Variants in ERC2 observed in about 807,000 individuals in gnomAD.
The protein encoded by ERC2 is ERC protein 2.
A neutral mutation model predicts 114.8 loss-of-function variants in ERC2; 42 were observed. The ratio of observed to expected loss-of-function variants is 0.37; its 90% CI spans 0.29 to 0.47. ERC2 has a LOEUF of 0.47. Ranked by LOEUF, ERC2 falls within the 20% of genes least tolerant of loss-of-function variation. ERC2 has a pLI of 0.99. For synonymous variants in ERC2, 454 were observed against 425.5 expected, an observed-to-expected ratio of 1.07 and a Z score of -0.82; for missense variants, 939 against 1,150.7, an observed-to-expected ratio of 0.82 and a Z score of 2.66.
intron 2 of ERC2, among the ~76,000 whole-genome samples, chr3:56,374,687 A>C (rs746527694): frequency 2.8e-4 from 43 of 152,098 alleles, no homozygotes; most frequent in Non-Finnish European, 4.7e-4. Flanking sequence ...ATCAGTACCC[A>C]CTATTATGTC....
intron 3 of ERC2, among the ~76,000 whole-genome samples, chr3:56,206,804 T>C (rs75915515): frequency 6.6e-6 from 1 of 152,370 alleles, no homozygotes; most frequent in Non-Finnish European, 1.5e-5. Context: ...ATCCGTAGGA[T>C]GCTGCACCTC....
chr3:56,052,033 T>C (rs2075795867), intron 7 of ERC2, among the ~76,000 whole-genome samples: 1 of 152,156 alleles, frequency 6.6e-6, no homozygotes, highest in Admixed American at 6.5e-5. Context: ...TTGAGAAATA[T>C]AGGCAGTGCA....
intron 15 of ERC2, among the ~76,000 whole-genome samples, chr3:55,723,579 T>C (rs1040251677): frequency 2.0e-5 from 3 of 151,956 alleles, no homozygotes; most frequent in African/African-American, 7.3e-5. Flanking sequence ...CAAAAGAATA[T>C]AAAGTTGAGA....
At chr3:56,143,709 A>G (rs1357753410) in intron 5 of ERC2, among the ~76,000 whole-genome samples, 1 of 152,196 alleles carries the variant, frequency 6.6e-6, no homozygotes, top group Non-Finnish European at 1.5e-5. Flanking sequence ...TACATAACCC[A>G]TGCTCTACTT....
intron 3 of ERC2, among the ~76,000 whole-genome samples, chr3:56,285,642 C>T (rs898661457): frequency 1.3e-5 from 2 of 152,182 alleles, no homozygotes; most frequent in Non-Finnish European, 2.9e-5. Flanking sequence ...AACTGGCTGT[C>T]CTCCTGACCA....
At chr3:56,236,244 T>C (rs4974187) in intron 3 of ERC2, among the ~76,000 whole-genome samples, 45,591 of 152,000 alleles carry the variant, frequency 0.3, 8,022 homozygotes, top group East Asian at 0.64. Context: ...GAGGGCTGCA[T>C]ATAGATTTGG....
intron 2 of ERC2, among the ~76,000 whole-genome samples, chr3:56,395,225 T>A (rs964201600): frequency 3.3e-5 from 5 of 152,172 alleles, no homozygotes; most frequent in Non-Finnish European, 7.3e-5. Flanking sequence ...GTTATCTCTT[T>A]AATTATACTT....
At chr3:56,262,152 G>A (rs1230881420) in intron 3 of ERC2, among the ~76,000 whole-genome samples, 1 of 152,050 alleles carries the variant, frequency 6.6e-6, no homozygotes, top group African/African-American at 2.4e-5. Flanking sequence ...CTTTGTTATT[G>A]TGAATAGTGC....
At chr3:55,830,437 C>A (rs1267501482) in intron 14 of ERC2, among the ~76,000 whole-genome samples, 1 of 152,174 alleles carries the variant, frequency 6.6e-6, no homozygotes, top group African/African-American at 2.4e-5. Context: ...CTTTTAGGGC[C>A]TTCAAACTAC....
intron 3 of ERC2, among the ~76,000 whole-genome samples, chr3:56,292,984 C>G (rs1181011109): frequency 6.6e-6 from 1 of 152,178 alleles, no homozygotes; most frequent in East Asian, 1.9e-4. Flanking sequence ...CTATTTTCCC[C>G]CAATAGAATG....
chr3:56,274,975 A>G (rs1204666836), intron 3 of ERC2, among the ~76,000 whole-genome samples: 1 of 152,182 alleles, frequency 6.6e-6, no homozygotes, highest in Non-Finnish European at 1.5e-5. Flanking sequence ...GTGCAGGAAT[A>G]AAGTTTACCA....
chr3:55,514,579 C>T (rs2052354359), intron 17 of ERC2, among the ~76,000 whole-genome samples: 1 of 152,170 alleles, frequency 6.6e-6, no homozygotes, highest in African/African-American at 2.4e-5. Flanking sequence ...GAGGGATTGG[C>T]TGTGCTGTGA....
chr3:56,230,036 T>C (rs1373122522), intron 3 of ERC2, among the ~76,000 whole-genome samples: 1 of 151,898 alleles, frequency 6.6e-6, no homozygotes, highest in Non-Finnish European at 1.5e-5. Context: ...CGGCTAAATT[T>C]TGTATTTTTA....
At chr3:55,933,262 G>A (rs2149407075) in intron 13 of ERC2, among the ~76,000 whole-genome samples, 1 of 151,386 alleles carries the variant, frequency 6.6e-6, no homozygotes, top group Admixed American at 6.6e-5. Context: ...AATCTCAAAT[G>A]CCAACCTTTA....
intron 17 of ERC2, among the ~76,000 whole-genome samples, chr3:55,675,056 C>A (rs568694966): frequency 4.6e-5 from 7 of 152,272 alleles, no homozygotes; most frequent in Non-Finnish European, 7.4e-5. Flanking sequence ...GCAGGATCTG[C>A]TTCAGAGGGA....
intron 9 of ERC2, among the ~76,000 whole-genome samples, chr3:56,008,235 C>T (rs1256402142): frequency 6.6e-6 from 1 of 152,110 alleles, no homozygotes; most frequent in Non-Finnish European, 1.5e-5. Flanking sequence ...TAATAATTTA[C>T]ACTGGGTTGC....
At chr3:55,947,136 G>A (rs1039599838) in intron 13 of ERC2, among the ~76,000 whole-genome samples, 48 of 152,116 alleles carry the variant, frequency 3.2e-4, no homozygotes, top group Non-Finnish European at 6.3e-4. Flanking sequence ...TTTATGGACT[G>A]TCTTGGATAA....
intron 1 of ERC2, among the ~76,000 whole-genome samples, chr3:56,440,312 G>A (rs922902342): frequency 1.3e-5 from 2 of 152,270 alleles, no homozygotes; most frequent in Admixed American, 6.5e-5. Context: ...GGGAGGCCGA[G>A]GCGGGTGGAT....
chr3:56,356,484 A>G (rs557747252), intron 2 of ERC2, among the ~76,000 whole-genome samples: 3 of 152,176 alleles, frequency 2.0e-5, no homozygotes, highest in Non-Finnish European at 4.4e-5. Context: ...GCATCTGACT[A>G]TACCCTGTCG....
Sources: gnomAD v4.1 joint callset for allele counts (sites outside exome capture counted in the v4.1 genomes callset) on GRCh38, gnomAD v4.1.1 for gene constraint, MANE v1.5 for transcripts, NCBI Gene and HGNC (gene_info 2026-07-23, HGNC 2026-07-21) for gene names.